Variants in MAPK10 observed in about 807,000 individuals in gnomAD.
MAPK10 encodes the protein mitogen-activated protein kinase 10.
A neutral mutation model predicts 59.3 loss-of-function variants in MAPK10; 25 were observed. The observed-to-expected ratio is 0.42, with a 90% CI of 0.31 to 0.59. The LOEUF (loss-of-function observed/expected upper bound fraction) is 0.59, where lower values mean the gene tolerates loss of function less well. MAPK10 is among the 20% of genes least tolerant of loss of function. MAPK10 has a pLI of 0.15. For missense variants in MAPK10, 351 were observed against 568.9 expected, an observed-to-expected ratio of 0.62 and a Z score of 3.90; for synonymous variants, 190 against 200.5, an observed-to-expected ratio of 0.95 and a Z score of 0.44.
rs1338659611 is a variant in MAPK10, at chr4:86,153,830, C to T, written c.236+5468G>A. 2.6e-5 allele frequency among the ~76,000 whole-genome samples: 4 copies of T among 152,058 alleles called. No homozygotes were observed. The East Asian group carries it at 5.8e-4, about 22-fold the overall frequency. The stretch of plus-strand genomic sequence containing the variant: ...GTCCTATTCTGCTGGGCCATCACCA[C>T]CTTAAACCTGCTACATATATAAAAG... On this transcript the variant is annotated intron_variant, in intron 4 of 13. Transcript: ENST00000641462.
chr4:86,453,298 G>C (rs1295121683), upstream of MAPK10: 1 of 152,496 alleles, frequency 6.6e-6, no homozygotes, highest in African/African-American at 2.4e-5. Flanking sequence ...CAACAGAGCA[G>C]GGAAGAAGGA....
At position 86,514,447 on chromosome 4, in the gene MAPK10, T is replaced by C. The variant is rs117879132; in HGVS notation, c.-263+79463A>G. Among the ~76,000 whole-genome samples the C allele has an allele frequency of 1.3e-3, 194 of 152,296 alleles. 5 individuals carry two copies. In the East Asian group the frequency reaches 0.028, roughly 22 times the overall value. ...CTCTCTGAATATATACATAGTTTAC[T>C]ATGGTATGTATATTTCCATTGCAAA... On this transcript the variant is annotated intron_variant, in intron 1 of 4. Transcript: ENST00000502302.
chr4:86,185,650 A>C (rs1030359060), intron 3 of MAPK10, among the ~76,000 whole-genome samples: 2 of 152,198 alleles, frequency 1.3e-5, no homozygotes, highest in African/African-American at 4.8e-5. Flanking sequence ...TAATTTAAGC[A>C]AGAGATAAGG....
At chr4:86,185,134 C>T (rs1353562720) in intron 3 of MAPK10, among the ~76,000 whole-genome samples, 1 of 152,140 alleles carries the variant, frequency 6.6e-6, no homozygotes, top group Non-Finnish European at 1.5e-5. Context: ...GCATATTCAG[C>T]TCTTGTGAGC....
chr4:86,064,371 C>A lies in MAPK10; in HGVS notation c.1005G>T (p.Leu335Phe), dbSNP rs777561999. The A allele has an allele frequency of 6.2e-7, 1 of 1,614,020 alleles. No individual in the cohort carries two copies. The highest frequency in any genetic ancestry group is 1.3e-5 in the African/African-American group (1 of 74,920). The stretch of plus-strand genomic sequence containing the variant: ...GGTCAATCACTAGCATCTTTGACAA[C>A]AAGTCCCTGGCTTGGCTGGCTGAAA... ...NKLKASQARD[L>F]LSKMLVIDPA... The change falls in exon 11 of 14, where the codon TTG becomes TTT. Residue 335 changes from leucine (L) to phenylalanine (F), a missense_variant. By Grantham distance (22) the Leu-to-Phe change is conservative (BLOSUM62 0). This residue lies in a region of MAPK10 where 155 missense variants were observed against 204.2 expected (regional missense o/e 0.76). Transcript: ENST00000641462.
chr4:86,464,264 T>C (rs1751997960), intron 1 of MAPK10, among the ~76,000 whole-genome samples: 1 of 152,246 alleles, frequency 6.6e-6, no homozygotes, highest in Non-Finnish European at 1.5e-5. Context: ...CAATTGAAGG[T>C]GCTAAGAATG....
At chr4:86,160,787 GA>G (rs2149232826) in intron 3 of MAPK10, among the ~76,000 whole-genome samples, 1 of 152,122 alleles carries the variant, frequency 6.6e-6, no homozygotes, top group South Asian at 2.1e-4. Flanking sequence ...TAACTTTTCT[GA>G]AAATCGAATT....
Position 86,186,522 on chromosome 4 carries a change from A to G in MAPK10, c.66+7814T>C, listed in dbSNP as rs75223103. Among the ~76,000 whole-genome samples, 404 of 152,302 alleles carry G rather than the reference A, an allele frequency of 2.7e-3. 2 individuals carry two copies. The highest frequency in any genetic ancestry group is 9.5e-3 in the African/African-American group (394 of 41,584). On this transcript the variant is annotated intron_variant, in intron 3 of 13. Coordinates refer to ENST00000641462, the MANE Select transcript of MAPK10 (RefSeq NM_138982.4). ...TTTTATGCTTTTCTATATTTTCTAT[A>G]ATAAGCAAATATTAATTCTAGAATC...
At chr4:86,117,137 A>T (rs1034113095) in intron 4 of MAPK10, among the ~76,000 whole-genome samples, 1 of 152,248 alleles carries the variant, frequency 6.6e-6, no homozygotes, top group Non-Finnish European at 1.5e-5. Flanking sequence ...AGCTGGGCAC[A>T]GTGGCATGTG....
At chr4:86,179,690 AT>A (rs1311699294) in intron 3 of MAPK10, among the ~76,000 whole-genome samples, 21 of 152,122 alleles carry the variant, frequency 1.4e-4, no homozygotes, top group Non-Finnish European at 2.9e-5. Flanking sequence ...CCAGAAATTA[AT>A]TTACATATCT....
chr4:86,344,986 G>T (rs1269605329), intron 2 of MAPK10, among the ~76,000 whole-genome samples: 1 of 152,132 alleles, frequency 6.6e-6, no homozygotes, highest in Admixed American at 6.5e-5. Context: ...TAGTCAGTTT[G>T]GCTGGCTATG....
rs2093875486 is a variant in MAPK10, at chr4:86,258,992, G to A, written c.-6-64585C>T. 5.9e-5 allele frequency among the ~76,000 whole-genome samples: 9 copies of A among 152,158 alleles called. No individual in the cohort carries two copies. The South Asian group carries it at 1.9e-3, about 32-fold the overall frequency. On this transcript the variant is annotated intron_variant, in intron 2 of 13. Coordinates refer to ENST00000641462, the MANE Select transcript of MAPK10 (RefSeq NM_138982.4). ...TATAAGCTAATTTGCTGTTTTCACT[G>A]ATTTTTATCATTTTATATAAAGTAA...
chr4:86,179,185 A>G (rs112691038), intron 3 of MAPK10, among the ~76,000 whole-genome samples: 40,269 of 151,780 alleles, frequency 0.27, 7,647 homozygotes, highest in African/African-American at 0.54. Context: ...CTGGGTGACA[A>G]AGTGACTCCA....
intron 2 of MAPK10, among the ~76,000 whole-genome samples, chr4:86,320,755 G>C (rs2095872959): frequency 6.6e-6 from 1 of 152,200 alleles, no homozygotes; most frequent in African/African-American, 2.4e-5. Flanking sequence ...GAATGGTAAT[G>C]CCTAGGTGTT....
rs1216556375 is a variant in MAPK10 at position 86,432,963 on chromosome 4, GAGGA to G, written c.-122+20063_-122+20066del. 2.0e-5 allele frequency among the ~76,000 whole-genome samples: 3 copies of G among 152,172 alleles called. No individual in the cohort carries two copies. In the East Asian group the frequency reaches 5.8e-4, roughly 29 times the overall value. On this transcript the variant is annotated intron_variant, in intron 1 of 13. Coordinates refer to the MAPK10 transcript ENST00000361569. ...CTAGCCAGCTCATACCTGTGGGAGGGAGGAAGTAGAACAAAGGGTAAAAGCTGAA... is the reference window on the plus strand; with the variant it reads ...CTAGCCAGCTCATACCTGTGGGAGGGAGTAGAACAAAGGGTAAAAGCTGAA...
chr4:86,310,256 T>C (rs886299977), intron 2 of MAPK10, among the ~76,000 whole-genome samples: 4 of 152,126 alleles, frequency 2.6e-5, no homozygotes, highest in African/African-American at 9.7e-5. Flanking sequence ...CCCGACCACC[T>C]TGGGCACATG....
intron 11 of MAPK10, among the ~76,000 whole-genome samples, chr4:86,063,472 A>G (rs2046111974): frequency 6.6e-6 from 1 of 152,172 alleles, no homozygotes; most frequent in Non-Finnish European, 1.5e-5. Context: ...GGGAGAAGGT[A>G]ACATTCCTGA....
intron 2 of MAPK10, among the ~76,000 whole-genome samples, chr4:86,208,499 T>G (rs1425505859): frequency 6.7e-6 from 1 of 150,370 alleles, no homozygotes; most frequent in Non-Finnish European, 1.5e-5. Flanking sequence ...CACATGATTA[T>G]CTCAATAGAT....
At chr4:86,178,298 T>C (rs2076147203) in intron 3 of MAPK10, among the ~76,000 whole-genome samples, 1 of 152,038 alleles carries the variant, frequency 6.6e-6, no homozygotes. Context: ...TCACACACAG[T>C]AAGTATTCAA....
Sources: gnomAD v4.1 joint callset for allele counts (sites outside exome capture counted in the v4.1 genomes callset) on GRCh38, gnomAD v4.1.1 for gene constraint, gnomAD v4.1.1 regional missense constraint, MANE v1.5 for transcripts, NCBI Gene and HGNC (gene_info 2026-07-23, HGNC 2026-07-21) for gene names.